Variants in GRIP1 observed in about 807,000 individuals in gnomAD.
GRIP1 encodes glutamate receptor-interacting protein 1.
Under a neutral mutation model 129.9 loss-of-function variants are expected in GRIP1, and 45 were observed. That is an observed-to-expected ratio of 0.35 (90% CI 0.27 to 0.44). The LOEUF is 0.44. Ranked by LOEUF, GRIP1 falls within the 20% of genes least tolerant of loss-of-function variation. The probability of loss-of-function intolerance (pLI) is 1.00; values close to 1 mark genes in which losing one functional copy is unlikely to be tolerated. For missense variants in GRIP1, 1,196 were observed against 1,396.8 expected (o/e 0.86, Z 2.29); for synonymous variants, 530 against 520.8 (o/e 1.02, Z -0.24).
intron 2 of GRIP1, among the ~76,000 whole-genome samples, chr12:66,582,538 G>GAT (rs2063434537): frequency 7.0e-6 from 1 of 143,450 alleles, no homozygotes; most frequent in African/African-American, 2.6e-5. Context: ...TCCTTAAGCT[G>GAT]ATAAGCAACT....
chr12:66,559,311 ATAG>A (rs2139381838), intron 2 of GRIP1, among the ~76,000 whole-genome samples: 1 of 152,290 alleles, frequency 6.6e-6, no homozygotes, highest in South Asian at 2.1e-4. Context: ...GTTATTCAAC[ATAG>A]TACTGGAAGC....
chr12:66,988,388 CT>C (rs1223743208), intron 1 of GRIP1, among the ~76,000 whole-genome samples: 6 of 150,718 alleles, frequency 4.0e-5, no homozygotes, highest in Admixed American at 2.6e-4. Flanking sequence ...TTTTCTTTTT[CT>C]TTTTTTTTAG....
chr12:66,692,499 T>C (rs1306222895), intron 1 of GRIP1, among the ~76,000 whole-genome samples: 1 of 152,144 alleles, frequency 6.6e-6, no homozygotes, highest in Non-Finnish European at 1.5e-5. Context: ...ATTTGGAAAT[T>C]TCATCTAGCA....
At chr12:66,791,010 T>C (rs1185123856) in intron 1 of GRIP1, among the ~76,000 whole-genome samples, 6 of 152,150 alleles carry the variant, frequency 3.9e-5, no homozygotes, top group Non-Finnish European at 7.3e-5. Context: ...GTACAGTTGC[T>C]ACAGGAAGCT....
At chr12:66,716,548 T>C (rs1323404300) in intron 1 of GRIP1, among the ~76,000 whole-genome samples, 2 of 151,762 alleles carry the variant, frequency 1.3e-5, no homozygotes, top group Admixed American at 1.3e-4. Flanking sequence ...TTATTATTAT[T>C]ATACTTTAAG....
intron 1 of GRIP1, among the ~76,000 whole-genome samples, chr12:66,910,743 T>C (rs2041015360): frequency 6.6e-6 from 1 of 152,076 alleles, no homozygotes; most frequent in Non-Finnish European, 1.5e-5. Flanking sequence ...AAAAACGTTT[T>C]CTAAACTTGA....
chr12:66,477,956 A>C (rs199637599), intron 7 of GRIP1, among the ~76,000 whole-genome samples: 6,578 of 152,272 alleles, frequency 0.043, 360 homozygotes, highest in African/African-American at 0.12. Context: ...ACCATTCAAG[A>C]CATAGGGATG....
intron 7 of GRIP1, among the ~76,000 whole-genome samples, chr12:66,466,442 A>G (rs915969033): frequency 2.6e-5 from 4 of 152,240 alleles, no homozygotes; most frequent in Non-Finnish European, 2.9e-5. Context: ...TGTTGCTTAA[A>G]GCTCATTAGA....
At chr12:66,614,504 C>G (rs2064952478) in intron 1 of GRIP1, among the ~76,000 whole-genome samples, 1 of 152,094 alleles carries the variant, frequency 6.6e-6, no homozygotes, top group African/African-American at 2.4e-5. Flanking sequence ...CAAATCCATT[C>G]CTTCTCACCA....
chr12:66,600,445 A>G (rs1448906354), intron 1 of GRIP1, among the ~76,000 whole-genome samples: 1 of 152,256 alleles, frequency 6.6e-6, no homozygotes, highest in African/African-American at 2.4e-5. Flanking sequence ...TTGCTGATAA[A>G]ATATGTGAAT....
chr12:66,972,396 A>G (rs2042087579), intron 1 of GRIP1, among the ~76,000 whole-genome samples: 1 of 152,142 alleles, frequency 6.6e-6, no homozygotes, highest in Non-Finnish European at 1.5e-5. Flanking sequence ...GCCATAATTC[A>G]CTCTGTTGAA....
chr12:66,535,959 T>A (rs142356065), intron 4 of GRIP1, among the ~76,000 whole-genome samples: 1 of 152,338 alleles, frequency 6.6e-6, no homozygotes, highest in East Asian at 1.9e-4. Flanking sequence ...TTTCAAGCCA[T>A]GAACTGCTGA....
chr12:66,998,523 A>T (rs535035157), intron 1 of GRIP1, among the ~76,000 whole-genome samples: 1 of 152,242 alleles, frequency 6.6e-6, no homozygotes, highest in East Asian at 1.9e-4. Context: ...ATTGCCTGGA[A>T]TCCCACTGCA....
chr12:66,892,428 A>T (rs1427796106), intron 1 of GRIP1, among the ~76,000 whole-genome samples: 2 of 152,192 alleles, frequency 1.3e-5, no homozygotes, highest in Admixed American at 1.3e-4. Context: ...AAATGGCAAA[A>T]ACAATACAGA....
chr12:66,504,412 T>C (rs1248986627), intron 7 of GRIP1, among the ~76,000 whole-genome samples: 2 of 152,196 alleles, frequency 1.3e-5, no homozygotes, highest in Non-Finnish European at 2.9e-5. Flanking sequence ...CCTCTGAAAC[T>C]GAATTAGATA....
intron 1 of GRIP1, among the ~76,000 whole-genome samples, chr12:66,655,328 T>A (rs903488619): frequency 6.6e-6 from 1 of 152,200 alleles, no homozygotes; most frequent in African/African-American, 2.4e-5. Flanking sequence ...AAGACTTTTT[T>A]ATGGTGGCTT....
chr12:66,982,381 C>G (rs2042251747), intron 1 of GRIP1, among the ~76,000 whole-genome samples: 1 of 152,144 alleles, frequency 6.6e-6, no homozygotes, highest in Non-Finnish European at 1.5e-5. Flanking sequence ...CTTATATATT[C>G]CCCTCCAGTT....
intron 1 of GRIP1, among the ~76,000 whole-genome samples, chr12:67,006,065 C>T (rs1014136529): frequency 2.4e-4 from 36 of 152,236 alleles, no homozygotes; most frequent in African/African-American, 8.2e-4. Flanking sequence ...AGCATCAATG[C>T]TTTTAATACA....
At chr12:66,434,317 T>C (rs7486019) in intron 13 of GRIP1, among the ~76,000 whole-genome samples, 149,743 of 152,232 alleles carry the variant, frequency 0.98, 73,706 homozygotes, top group Middle Eastern at 1. Context: ...CAGAGGGGAG[T>C]GAGGCAATCA....
Sources: gnomAD v4.1 joint callset for allele counts (sites outside exome capture counted in the v4.1 genomes callset) on GRCh38, gnomAD v4.1.1 for gene constraint, MANE v1.5 for transcripts, NCBI Gene and HGNC (gene_info 2026-07-23, HGNC 2026-07-21) for gene names.